The following NECAB2 variants were observed in gnomAD, a reference collection of about 807,000 sequenced individuals.
The protein encoded by NECAB2 is N-terminal EF-hand calcium-binding protein 2.
Under a neutral mutation model 51.9 loss-of-function variants are expected in NECAB2, and 68 were observed. That is an observed-to-expected ratio of 1.31 (90% CI 1.08 to 1.60). The LOEUF is 1.60. Among genes scored for constraint, NECAB2 ranks in the 40% most tolerant of loss-of-function variants. NECAB2 has a pLI of 0.00. For missense variants in NECAB2, 854 were observed against 490.3 expected (o/e 1.74, Z -7.00); for synonymous variants, 329 against 203.5 (o/e 1.62, Z -5.25).
At position 83,997,257 on chromosome 16, in the gene NECAB2, T is replaced by A; in HGVS notation, c.837T>A (p.Asp279Glu). 2 of 1,614,100 alleles carry A rather than the reference T, an allele frequency of 1.2e-6. No individual in the cohort carries two copies. The highest frequency in any genetic ancestry group is 1.7e-6 in the Non-Finnish European group (2 of 1,180,002). ...FDLQQRLSDE[D>E]GTNMHLQLVR... Reference sequence around the variant, plus strand: ...TGCAGCAGCGCCTGTCAGATGAAGATGGCACCAACATGGTGAGGCCCCTTC... The same window carrying A: ...TGCAGCAGCGCCTGTCAGATGAAGAAGGCACCAACATGGTGAGGCCCCTTC... The change falls in exon 9 of 13, where the codon GAT becomes GAA. Residue 279 changes from aspartate to glutamate, a missense_variant. Physicochemically the swap from Asp to Glu is conservative, Grantham distance 45. Coordinates refer to ENST00000305202, the MANE Select transcript of NECAB2 (RefSeq NM_019065.3).
chr16:83,998,669 A>C (rs1388830068), intron 10 of NECAB2, among the ~76,000 whole-genome samples: 1 of 152,220 alleles, frequency 6.6e-6, no homozygotes, highest in Non-Finnish European at 1.5e-5. Flanking sequence ...AGTCAGCCTC[A>C]GCTGCTGCTG....
At chr16:84,000,878 C>G in intron 11 of NECAB2, 77 bp downstream of exon 11, 3 of 1,447,404 alleles carry the variant, frequency 2.1e-6, no homozygotes, top group Non-Finnish European at 2.9e-6. Flanking sequence ...GCCAGGCATC[C>G]TTGGAGGGGA....
chr16:83,983,797 G>C (rs2084517821), intron 5 of NECAB2, among the ~76,000 whole-genome samples: 1 of 152,160 alleles, frequency 6.6e-6, no homozygotes, highest in African/African-American at 2.4e-5. Flanking sequence ...TTGTGAAGTG[G>C]TTTTGAATGT....
intron 5 of NECAB2, among the ~76,000 whole-genome samples, chr16:83,985,146 G>A (rs1034095080): frequency 4.7e-5 from 7 of 150,280 alleles, no homozygotes; most frequent in Non-Finnish European, 3.0e-5. Flanking sequence ...AACCCTGTCT[G>A]TACTAAAAAT....
chr16:83,974,641 G>A (rs571605260), intron 2 of NECAB2, among the ~76,000 whole-genome samples: 164 of 152,328 alleles, frequency 1.1e-3, no homozygotes, highest in African/African-American at 3.7e-3. Flanking sequence ...ACGAAAACAA[G>A]GCTCGGAGAT....
upstream of NECAB2, among the ~76,000 whole-genome samples, chr16:83,967,117 C>A (rs993410918): frequency 1.3e-5 from 2 of 152,184 alleles, no homozygotes; most frequent in African/African-American, 4.8e-5. Context: ...AGTGATCCGC[C>A]CTCTTTGGCT....
chr16:83,983,996 G>GTTTTTTT (rs552020138), intron 5 of NECAB2, among the ~76,000 whole-genome samples: 1 of 125,290 alleles, frequency 8.0e-6, no homozygotes. Context: ...ATATATGGTG[G>GTTTTTTT]TTTTTTTTTT....
intron 12 of NECAB2, 77 bp downstream of exon 12, chr16:84,001,993 C>A (rs573125103): frequency 2.7e-6 from 4 of 1,466,478 alleles, no homozygotes; most frequent in African/African-American, 2.8e-5. Flanking sequence ...TGCCCCATAT[C>A]TCCCGGGGAC....
At chr16:83,994,751 C>T (rs1314178430) in intron 8 of NECAB2, 63 bp downstream of exon 8, 1 of 1,572,612 alleles carries the variant, frequency 6.4e-7, no homozygotes, top group East Asian at 2.3e-5. Context: ...CAGAGTTAAG[C>T]CTGGAGTTCA....
Position 83,997,160 on chromosome 16 carries a change from C to T in NECAB2, c.796-56C>T, listed in dbSNP as rs1474613331. 11 of 1,610,084 alleles carry T rather than the reference C, an allele frequency of 6.8e-6. No homozygotes were observed. The East Asian group carries it at 1.6e-4, about 23-fold the overall frequency. On this transcript the variant is annotated intron_variant, in intron 8 of 12. Transcript: ENST00000305202. ...CCCAGGGATCCCAGAGCTCCTGGCT[C>T]CCCGGGGCGGAGTGGGGCTCTGGGT... is the stretch of plus-strand genomic sequence containing the variant.
rs200784843 is a variant in NECAB2, at chr16:83,998,168, C to G, written c.850-37C>G. On this transcript the variant is annotated intron_variant, in intron 9 of 12. Transcript: ENST00000305202. ...TGGGGTGTTTAGGGAGAAGGCCTGA[C>G]GTGGAGCCCCACACTGACTCCTGCT... The G allele has an allele frequency of 9.1e-5, 144 of 1,583,912 alleles. No homozygotes were observed. The African/African-American group carries it at 1.2e-3, about 13-fold the overall frequency.
chr16:84,002,763 C>A lies in NECAB2; in HGVS notation c.*417C>A, dbSNP rs538900508. The A allele has an allele frequency of 3.8e-5, 8 of 213,276 alleles. No individual in the cohort carries two copies. Among genetic ancestry groups the A allele is most frequent in the African/African-American group, 4.5e-5 (2 of 44,042 alleles). 13.2% of individuals were successfully genotyped at this position (213,276 alleles called of 1,614,324 possible). On this transcript the variant is annotated 3_prime_UTR_variant, in exon 13 of 13. Transcript: ENST00000305202. ...CACTGTGCCCAGGCGCCAAATAAAC[C>A]CTGGTTGGGAAGAGCTGTGTGCTCT...
intron 1 of NECAB2, among the ~76,000 whole-genome samples, chr16:83,970,988 G>C (rs2084341184): frequency 6.6e-6 from 1 of 152,102 alleles, no homozygotes; most frequent in South Asian, 2.1e-4. Flanking sequence ...CAGCTACTCG[G>C]AAGGCTGATA....
intron 10 of NECAB2, 133 bp from the exon 11 acceptor site, chr16:84,000,591 A>C: frequency 1.5e-6 from 1 of 646,162 alleles, no homozygotes. Flanking sequence ...GTCTCGATGG[A>C]GGTCAAGACA....
chr16:84,001,508 G>T (rs552246670), intron 11 of NECAB2, among the ~76,000 whole-genome samples: 3,754 of 152,226 alleles, frequency 0.025, 154 homozygotes, highest in African/African-American at 0.084. Flanking sequence ...CGCAGCTTCT[G>T]TGTTGTCATG....
chr16:83,970,569 G>C (rs916340674), intron 1 of NECAB2, among the ~76,000 whole-genome samples: 22 of 152,170 alleles, frequency 1.4e-4, no homozygotes, highest in African/African-American at 5.3e-4. Context: ...AGGGATGGGG[G>C]GCGAGGGCAT....
At chr16:84,000,946 C>CCTCA in intron 11 of NECAB2, 145 bp downstream of exon 11, 1 of 742,450 alleles carries the variant, frequency 1.3e-6, no homozygotes. Context: ...GGCATGCTTG[C>CCTCA]GTCAGTAAAC....
rs189558595 is a variant in NECAB2, at chr16:83,997,064, C to G, written c.796-152C>G. 11 of 772,656 alleles carry G rather than the reference C, an allele frequency of 1.4e-5. No homozygotes were observed. The East Asian group carries it at 1.6e-4, about 11-fold the overall frequency. 47.9% of individuals were successfully genotyped at this position (772,656 alleles called of 1,614,324 possible). On this transcript the variant is annotated intron_variant, in intron 8 of 12. Transcript: ENST00000305202. ...AGGCCCCCTGTAGGCCAGAGGGAGTCTCTGCCACTTCCTAGCGTTGGTCTC... is the reference window on the plus strand; with the variant it reads ...AGGCCCCCTGTAGGCCAGAGGGAGTGTCTGCCACTTCCTAGCGTTGGTCTC...
intron 11 of NECAB2, among the ~76,000 whole-genome samples, 186 bp from the exon 12 acceptor site, chr16:84,001,639 C>T (rs112601801): frequency 5.4e-4 from 82 of 152,252 alleles, no homozygotes; most frequent in African/African-American, 1.5e-3. Flanking sequence ...AAGAGAAGCT[C>T]ACTGCCCACC....
Sources: gnomAD v4.1 joint callset for allele counts (sites outside exome capture counted in the v4.1 genomes callset) on GRCh38, gnomAD v4.1.1 for gene constraint, MANE v1.5 for transcripts, NCBI Gene and HGNC (gene_info 2026-07-23, HGNC 2026-07-21) for gene names.